The following MEGF11 variants were observed in gnomAD, a reference collection of about 807,000 sequenced individuals.
MEGF11 encodes multiple epidermal growth factor-like domains protein 11.
In MEGF11, 126 loss-of-function variants were observed where a neutral mutation model predicts 146.6. That is an observed-to-expected ratio of 0.86 (90% CI 0.74 to 1.00). The LOEUF is 1.00. Among genes scored for constraint, MEGF11 ranks in the 50% least tolerant of loss-of-function variants. The pLI, the probability that MEGF11 is intolerant of heterozygous loss-of-function variation, is 0.00. For missense variants in MEGF11, 1,509 were observed against 1,521.2 expected, an observed-to-expected ratio of 0.99 and a Z score of 0.13; for synonymous variants, 532 against 583.4, an observed-to-expected ratio of 0.91 and a Z score of 1.27.
At chr15:66,197,867 C>G (rs180719323) in intron 1 of MEGF11, among the ~76,000 whole-genome samples, 1 of 152,306 alleles carries the variant, frequency 6.6e-6, no homozygotes, top group East Asian at 1.9e-4. Context: ...TGAGCCACCC[C>G]CCGCCTTAAC....
intron 1 of MEGF11, among the ~76,000 whole-genome samples, chr15:66,146,717 G>A (rs2089386373): frequency 6.6e-6 from 1 of 152,262 alleles, no homozygotes. Flanking sequence ...ACTGTGGACA[G>A]CGGCCTGTGC....
At chr15:66,110,931 C>T (rs1055139795) in intron 4 of MEGF11, among the ~76,000 whole-genome samples, 2 of 152,100 alleles carry the variant, frequency 1.3e-5, no homozygotes, top group African/African-American at 4.8e-5. Context: ...TAGCTTCAGT[C>T]CCCTCCTCCC....
At chr15:65,926,872 G>C (rs1162430628) in intron 13 of MEGF11, among the ~76,000 whole-genome samples, 2 of 152,116 alleles carry the variant, frequency 1.3e-5, no homozygotes, top group Admixed American at 6.5e-5. Flanking sequence ...AGATTCTAGG[G>C]TGCCAGTGAC....
chr15:66,047,920 G>A (rs1220925567), intron 5 of MEGF11, among the ~76,000 whole-genome samples: 1 of 151,274 alleles, frequency 6.6e-6, no homozygotes, highest in Non-Finnish European at 1.5e-5. Flanking sequence ...GGCCTGAGGG[G>A]ACATTGTTAT....
At chr15:66,106,302 A>T (rs531346688) in intron 4 of MEGF11, among the ~76,000 whole-genome samples, 1 of 152,316 alleles carries the variant, frequency 6.6e-6, no homozygotes, top group East Asian at 1.9e-4. Context: ...GGGCTTTTTC[A>T]TGGACAGACA....
Position 65,934,763 on chromosome 15 carries a change from C to T in MEGF11, c.1288-3820G>A, listed in dbSNP as rs73479392. Among the ~76,000 whole-genome samples the T allele has an allele frequency of 3.2e-3, 485 of 152,284 alleles. 1 individual carries two copies. The highest frequency in any genetic ancestry group is 0.011 in the African/African-American group (471 of 41,550). The stretch of plus-strand genomic sequence containing the variant: ...CCATGTAACGAAGTCTCCATAAAAA[C>T]CCCAAAGGACAGGGTTTGGAAAGCT... On this transcript the variant is annotated intron_variant, in intron 10 of 25. Coordinates refer to ENST00000395614, the MANE Select transcript of MEGF11 (RefSeq NM_001385028.1).
At chr15:66,249,756 G>T (rs907571596) in intron 1 of MEGF11, among the ~76,000 whole-genome samples, 1 of 152,114 alleles carries the variant, frequency 6.6e-6, no homozygotes, top group African/African-American at 2.4e-5. Flanking sequence ...CATCACCAAG[G>T]AACTTGTTTA....
At chr15:66,056,045 G>A (rs909292024) in intron 5 of MEGF11, among the ~76,000 whole-genome samples, 2 of 152,164 alleles carry the variant, frequency 1.3e-5, no homozygotes, top group Non-Finnish European at 2.9e-5. Flanking sequence ...AGCACCATAT[G>A]TGAGCGTGTT....
At position 66,054,555 on chromosome 15, in the gene MEGF11, G is replaced by A. The variant is rs2140369349; in HGVS notation, c.394+39847C>T. On this transcript the variant is annotated intron_variant, in intron 5 of 25. Coordinates refer to ENST00000395614, the MANE Select transcript of MEGF11 (RefSeq NM_001385028.1). ...GTCTTTAAAAATCACCTCCAGGGGT[G>A]TCTGGATGAAGATTTCCTCCATTGG... Among the ~76,000 whole-genome samples the A allele has an allele frequency of 2.6e-5, 4 of 152,348 alleles. No homozygotes were observed. In the South Asian group the frequency reaches 8.3e-4, roughly 32 times the overall value.
In MEGF11 at chr15:65,899,865, C is replaced by T. The variant is rs149037627; in HGVS notation, c.3056-931G>A. Among the ~76,000 whole-genome samples, 15 of 152,220 alleles carry T rather than the reference C, an allele frequency of 9.9e-5. No homozygotes were observed. The East Asian group carries it at 2.5e-3, about 25-fold the overall frequency. ...CTCAGTTGTATAGTTGTACCATCCCCGAGACTTCAGAGTACAAAAGGATGC... is the reference window on the plus strand; with the variant it reads ...CTCAGTTGTATAGTTGTACCATCCCTGAGACTTCAGAGTACAAAAGGATGC... On this transcript the variant is annotated intron_variant, in intron 24 of 25. Transcript: ENST00000395614.
Position 66,158,190 on chromosome 15 carries a change from CT to C in MEGF11, c.-8-29780del, listed in dbSNP as rs528529541. 1.7e-3 allele frequency among the ~76,000 whole-genome samples: 254 copies of C among 152,320 alleles called. 1 individual carries two copies. Among genetic ancestry groups the C allele is most frequent in the Non-Finnish European group, 3.1e-3 (213 of 68,024 alleles). On this transcript the variant is annotated intron_variant, in intron 1 of 25. Coordinates refer to ENST00000395614, the MANE Select transcript of MEGF11 (RefSeq NM_001385028.1). ...TAAATGTTTAAAATCATTTTCACCC[CT>C]CTAGCCAGAAGCACTGCTGAGGACA...
chr15:66,001,629 G>A (rs2082369414), intron 5 of MEGF11, among the ~76,000 whole-genome samples: 1 of 151,792 alleles, frequency 6.6e-6, no homozygotes, highest in Non-Finnish European at 1.5e-5. Flanking sequence ...CCTTTACTCT[G>A]CCCCACCTTT....
intron 1 of MEGF11, among the ~76,000 whole-genome samples, chr15:66,159,662 G>A (rs115058280): frequency 0.015 from 2,235 of 152,238 alleles, 50 homozygotes; most frequent in African/African-American, 0.048. Flanking sequence ...GGGCCACGAT[G>A]GCACTTACTT....
rs2081268092 is a variant in MEGF11 at position 65,970,546 on chromosome 15, T to C, written c.899+7A>G. ...ACAGCAAAGATAACAGTTAACACTATCCTTACCTGTCCCCCATGTATCCAG... is the reference window on the plus strand; with the variant it reads ...ACAGCAAAGATAACAGTTAACACTACCCTTACCTGTCCCCCATGTATCCAG... On this transcript the variant is annotated splice_region_variant and intron_variant, in intron 8 of 25. Coordinates refer to ENST00000395614, the MANE Select transcript of MEGF11 (RefSeq NM_001385028.1). 1.2e-6 allele frequency: 2 copies of C among 1,613,688 alleles called. No individual in the cohort carries two copies. Among genetic ancestry groups the C allele is most frequent in the South Asian group, 1.1e-5 (1 of 91,044 alleles).
intron 5 of MEGF11, among the ~76,000 whole-genome samples, chr15:66,007,434 A>C (rs187569932): frequency 3.4e-4 from 52 of 152,284 alleles, no homozygotes; most frequent in Non-Finnish European, 5.9e-5. Context: ...TGTGCATGCT[A>C]GGGTAAACAT....
Position 65,928,529 on chromosome 15 carries a change from T to C in MEGF11, c.1573-2A>G. 6.3e-7 allele frequency: 1 copy of C among 1,589,876 alleles called. No homozygotes were observed. Among genetic ancestry groups the C allele is most frequent in the Non-Finnish European group, 8.6e-7 (1 of 1,164,236 alleles). Reference sequence around the variant, plus strand: ...GCAGTTCAGCCCAAATGTGCCATCCTGTGGAGAAGACAGGGAGAGAAAAAT... The same window carrying C: ...GCAGTTCAGCCCAAATGTGCCATCCCGTGGAGAAGACAGGGAGAGAAAAAT... On this transcript the variant is annotated splice_acceptor_variant, in intron 12 of 25. Coordinates refer to ENST00000395614, the MANE Select transcript of MEGF11 (RefSeq NM_001385028.1). LOFTEE classifies it high-confidence loss of function.
At chr15:65,977,634 A>ATG (rs1435617818) in intron 7 of MEGF11, among the ~76,000 whole-genome samples, 7 of 151,932 alleles carry the variant, frequency 4.6e-5, no homozygotes, top group Non-Finnish European at 8.8e-5. Flanking sequence ...GCCCACGACC[A>ATG]TGTCTGGCTG....
At chr15:66,065,883 T>G (rs1452545279) in intron 5 of MEGF11, among the ~76,000 whole-genome samples, 1 of 152,096 alleles carries the variant, frequency 6.6e-6, no homozygotes, top group African/African-American at 2.4e-5. Flanking sequence ...ACTTGGACAG[T>G]GTCCACCCAG....
At chr15:66,083,909 T>C (rs1049963930) in intron 5 of MEGF11, among the ~76,000 whole-genome samples, 1 of 152,126 alleles carries the variant, frequency 6.6e-6, no homozygotes, top group Admixed American at 6.5e-5. Flanking sequence ...AAGTGAGTTC[T>C]TATCTCTAAA....
Sources: allele counts gnomAD v4.1 joint callset (sites outside exome capture counted in the v4.1 genomes callset), GRCh38; gene constraint gnomAD v4.1.1; transcripts MANE v1.5; gene names NCBI Gene and HGNC (gene_info 2026-07-23, HGNC 2026-07-21).